Variants in ITCH observed in about 807,000 individuals in gnomAD.
ITCH encodes E3 ubiquitin-protein ligase Itchy homolog.
A neutral mutation model predicts 126.8 loss-of-function variants in ITCH; 28 were observed. That is an observed-to-expected ratio of 0.22 (90% confidence interval 0.16 to 0.30). ITCH has a LOEUF of 0.30. Among genes scored for constraint, ITCH ranks in the 10% least tolerant of loss-of-function variants. The pLI, the probability that ITCH is intolerant of heterozygous loss-of-function variation, is 1.00. For synonymous variants in ITCH, 342 were observed against 340.0 expected (o/e 1.01, Z -0.06); for missense variants, 631 against 1,032.4 (o/e 0.61, Z 5.33).
At chr20:34,408,938 T>A in intron 4 of ITCH, 146 bp downstream of exon 4, 1 of 807,564 alleles carries the variant, frequency 1.2e-6, no homozygotes, top group Non-Finnish European at 1.9e-6. Flanking sequence ...TTCCTAGGAC[T>A]CCTTCTGGTT....
chr20:34,415,557 C>T (rs1979714418), intron 6 of ITCH, among the ~76,000 whole-genome samples: 1 of 151,244 alleles, frequency 6.6e-6, no homozygotes, highest in Non-Finnish European at 1.5e-5. Flanking sequence ...GACTCTCTCT[C>T]AAAAAAAATA....
chr20:34,451,289 CAAAAAA>C (rs1234630566), intron 12 of ITCH, among the ~76,000 whole-genome samples: 1 of 71,218 alleles, frequency 1.4e-5, no homozygotes, highest in African/African-American at 4.9e-5. Context: ...GACTCCGTCT[CAAAAAA>C]AAAAAAAAAA....
chr20:34,453,337 TAC>T (rs1243753935), intron 12 of ITCH, among the ~76,000 whole-genome samples: 1 of 152,214 alleles, frequency 6.6e-6, no homozygotes, highest in Non-Finnish European at 1.5e-5. Flanking sequence ...GAATGGCCAT[TAC>T]AGTGGCTCAC....
intron 3 of ITCH, among the ~76,000 whole-genome samples, chr20:34,403,595 A>C (rs1194543258): frequency 6.6e-6 from 1 of 152,216 alleles, no homozygotes; most frequent in Non-Finnish European, 1.5e-5. Flanking sequence ...AAGATTGGCT[A>C]TATCTGTGCA....
Position 34,507,890 on chromosome 20 carries a change from T to C in ITCH, c.*96T>C. ...ATCTTGTAAAATTGGACAATGGCTC[T>C]TTAGAGAGTTATCTGAGTGTAAGTA... On this transcript the variant is annotated 3_prime_UTR_variant, in exon 25 of 25. Transcript: ENST00000374864. 1.2e-6 allele frequency: 1 copy of C among 838,822 alleles called. No homozygotes were observed. The allele number at this position is 838,822 out of a possible 1,614,324, so 52.0% of individuals were successfully genotyped here. A position where few individuals can be genotyped will look rare whatever the true frequency, so the allele number is the denominator to read the frequency against.
intron 14 of ITCH, 132 bp downstream of exon 14, chr20:34,462,353 T>A: frequency 1.1e-6 from 1 of 927,506 alleles, no homozygotes; most frequent in Non-Finnish European, 1.7e-6. Flanking sequence ...TTCTGTTCAT[T>A]AAGTATTTTG....
intron 12 of ITCH, 152 bp from the exon 13 acceptor site, chr20:34,457,238 T>C: frequency 3.0e-6 from 2 of 659,578 alleles, no homozygotes; most frequent in Non-Finnish European, 5.4e-6. Flanking sequence ...TAATAGTCAA[T>C]AAATTAAACC....
intron 23 of ITCH, among the ~76,000 whole-genome samples, chr20:34,497,066 G>A (rs1183304871): frequency 1.3e-5 from 2 of 151,022 alleles, no homozygotes; most frequent in African/African-American, 2.4e-5. Context: ...GCGAGATCTC[G>A]GCTCCCCACA....
chr20:34,445,150 A>G, intron 10 of ITCH, 137 bp from the exon 11 acceptor site: 1 of 958,398 alleles, frequency 1.0e-6, no homozygotes, highest in Non-Finnish European at 1.5e-6. Flanking sequence ...ATTTCTCTTA[A>G]GTTCACTTAC....
At chr20:34,450,064 T>C (rs1056201738) in intron 12 of ITCH, among the ~76,000 whole-genome samples, 1 of 152,162 alleles carries the variant, frequency 6.6e-6, no homozygotes, top group Non-Finnish European at 1.5e-5. Context: ...ACATTAATAA[T>C]GTATACATGA....
rs547143879 is a variant in ITCH, at chr20:34,486,348, CAG to C, written c.2094-2915_2094-2914del. 1.4e-3 allele frequency among the ~76,000 whole-genome samples: 204 copies of C among 149,262 alleles called. 1 individual carries two copies. Among genetic ancestry groups the C allele is most frequent in the Non-Finnish European group, 2.0e-3 (136 of 67,336 alleles). ...ACCTTTTTTTTTTTTTCCCCCGAGA[CAG>C]AGTCTTGCTCTGTCGCCCAGGCTGG... On this transcript the variant is annotated intron_variant, in intron 20 of 24. Coordinates refer to ENST00000374864, the MANE Select transcript of ITCH (RefSeq NM_031483.7).
At chr20:34,400,000 G>A (rs2038815310) in intron 3 of ITCH, among the ~76,000 whole-genome samples, 3 of 151,758 alleles carry the variant, frequency 2.0e-5, no homozygotes, top group South Asian at 4.2e-4. Flanking sequence ...GTGTGGTGGC[G>A]TGATCTTGGC....
In ITCH at chr20:34,489,805, C is replaced by A. The variant is rs769138987; in HGVS notation, c.2215-17C>A. 62 of 1,570,486 alleles carry A rather than the reference C, an allele frequency of 3.9e-5. No homozygotes were observed. The highest frequency in any genetic ancestry group is 5.3e-5 in the Non-Finnish European group (61 of 1,140,434). ...ACAGTTACCTTAGGAAACAATTTGT[C>A]TTTTTCATCCCTAAAGGTCCTTTTA... On this transcript the variant is annotated splice_polypyrimidine_tract_variant and intron_variant, in intron 21 of 24. Coordinates refer to ENST00000374864, the MANE Select transcript of ITCH (RefSeq NM_031483.7).
At chr20:34,506,814 C>T (rs1187683833) in intron 24 of ITCH, among the ~76,000 whole-genome samples, 3 of 152,086 alleles carry the variant, frequency 2.0e-5, no homozygotes, top group Admixed American at 6.6e-5. Flanking sequence ...AGTGTAGAAT[C>T]GTACCTTATT....
intron 7 of ITCH, among the ~76,000 whole-genome samples, chr20:34,433,670 A>AC (rs1283425254): frequency 2.0e-5 from 3 of 151,896 alleles, no homozygotes; most frequent in South Asian, 4.1e-4. Context: ...AAAAAAAAAA[A>AC]AACCCAAAAA....
intron 23 of ITCH, among the ~76,000 whole-genome samples, chr20:34,495,737 C>T (rs1989834898): frequency 6.6e-6 from 1 of 151,900 alleles, no homozygotes; most frequent in Non-Finnish European, 1.5e-5. Context: ...AATGGTGCTG[C>T]AGTAGACATG....
chr20:34,485,337 A>T (rs76614064), intron 20 of ITCH, among the ~76,000 whole-genome samples: 1 of 152,178 alleles, frequency 6.6e-6, no homozygotes, highest in Non-Finnish European at 1.5e-5. Flanking sequence ...GTTTGACTTT[A>T]TTAGAAACTG....
At chr20:34,465,494 A>G (rs568449366) in intron 14 of ITCH, among the ~76,000 whole-genome samples, 3 of 152,248 alleles carry the variant, frequency 2.0e-5, no homozygotes, top group Middle Eastern at 3.4e-3. Context: ...TACAGATTCA[A>G]TATCTGTATC....
At chr20:34,404,457 T>G (rs1377711182) in intron 3 of ITCH, among the ~76,000 whole-genome samples, 1 of 149,646 alleles carries the variant, frequency 6.7e-6, no homozygotes, top group Non-Finnish European at 1.5e-5. Context: ...TTCACCCTTG[T>G]CACCCAGGCT....
Sources: allele counts gnomAD v4.1 joint callset (sites outside exome capture counted in the v4.1 genomes callset), GRCh38; gene constraint gnomAD v4.1.1; transcripts MANE v1.5; gene names NCBI Gene and HGNC (gene_info 2026-07-23, HGNC 2026-07-21).